DCBLD2: variants seen among roughly 807,000 people sequenced by gnomAD.
DCBLD2 encodes the protein discoidin, CUB and LCCL domain-containing protein 2.
In DCBLD2, 54 loss-of-function variants were observed where a neutral mutation model predicts 86.8. The ratio of observed to expected loss-of-function variants is 0.62; its 90% CI spans 0.50 to 0.78. The LOEUF (loss-of-function observed/expected upper bound fraction) is 0.78, where lower values mean the gene tolerates loss of function less well. Among genes scored for constraint, DCBLD2 ranks in the 30% least tolerant of loss-of-function variants. The pLI is 0.00. For missense variants in DCBLD2, 908 were observed against 954.2 expected (o/e 0.95, Z 0.64); for synonymous variants, 354 against 341.3 (o/e 1.04, Z -0.41).
chr3:98,865,972 T>C (rs1381621197), intron 2 of DCBLD2, among the ~76,000 whole-genome samples: 2 of 151,822 alleles, frequency 1.3e-5, no homozygotes, highest in East Asian at 3.9e-4. Flanking sequence ...CGGTTTTTTG[T>C]CCTTGTGATA....
chr3:98,865,981 T>C (rs1352879613), intron 2 of DCBLD2, among the ~76,000 whole-genome samples: 2 of 151,860 alleles, frequency 1.3e-5, no homozygotes, highest in South Asian at 2.1e-4. Flanking sequence ...GTCCTTGTGA[T>C]AGTTTGCTGA....
intron 2 of DCBLD2, among the ~76,000 whole-genome samples, chr3:98,875,359 G>T (rs1226080434): frequency 2.0e-5 from 3 of 152,068 alleles, no homozygotes; most frequent in Non-Finnish European, 2.9e-5. Context: ...AACAAAAAAT[G>T]TGTAAACCCT....
chr3:98,838,495 T>C (rs1175191147), intron 3 of DCBLD2, among the ~76,000 whole-genome samples: 1 of 144,176 alleles, frequency 6.9e-6, no homozygotes, highest in Non-Finnish European at 1.5e-5. Flanking sequence ...TGATGGCAGC[T>C]GGGAAGAGGC....
chr3:98,871,657 A>G (rs536173625), intron 2 of DCBLD2, among the ~76,000 whole-genome samples: 32 of 152,184 alleles, frequency 2.1e-4, no homozygotes, highest in Admixed American at 3.9e-4. Flanking sequence ...TTGTTGATAT[A>G]CTGCTGAATC....
rs1448105201 is a variant in DCBLD2, at chr3:98,849,450, G to C, written c.571+11C>G. Reference sequence around the variant, plus strand: ...CAAACTGTAGGAACCATTGCAAAAGGTGAAAATTACCTTGTTTATCTATAA... The same window carrying C: ...CAAACTGTAGGAACCATTGCAAAAGCTGAAAATTACCTTGTTTATCTATAA... On this transcript the variant is annotated intron_variant, in intron 3 of 15. Coordinates refer to ENST00000326840, the MANE Select transcript of DCBLD2 (RefSeq NM_080927.4). The C allele has an allele frequency of 1.2e-6, 2 of 1,613,810 alleles. No homozygotes were observed. Among genetic ancestry groups the C allele is most frequent in the African/African-American group, 1.3e-5 (1 of 75,026 alleles).
At chr3:98,866,556 TG>T (rs1943149589) in intron 2 of DCBLD2, among the ~76,000 whole-genome samples, 1 of 152,178 alleles carries the variant, frequency 6.6e-6, no homozygotes, top group Non-Finnish European at 1.5e-5. Flanking sequence ...TTGATGGGGT[TG>T]TTTTTTTCTT....
chr3:98,802,956 G>T (rs1481690342), intron 13 of DCBLD2, among the ~76,000 whole-genome samples: 1 of 152,158 alleles, frequency 6.6e-6, no homozygotes, highest in African/African-American at 2.4e-5. Context: ...CTGTAGCCTT[G>T]TAGTATAGTT....
chr3:98,801,298 G>A (rs1212960427), intron 14 of DCBLD2: 5 of 353,068 alleles, frequency 1.4e-5, no homozygotes, highest in Admixed American at 8.5e-5. Context: ...CAGTGTTCAC[G>A]TGGGCCACAG....
At chr3:98,886,802 C>CCT (rs1005197921) in intron 1 of DCBLD2, among the ~76,000 whole-genome samples, 1 of 128,476 alleles carries the variant, frequency 7.8e-6, no homozygotes, top group East Asian at 2.5e-4. Flanking sequence ...ACAGGAAAAC[C>CCT]CCCCCCCTTT....
chr3:98,807,810 T>TTACATGTGTCTCTGAC (rs1941866658), intron 13 of DCBLD2: 2 of 207,640 alleles, frequency 9.6e-6, no homozygotes, highest in African/African-American at 4.6e-5. Flanking sequence ...ATTCTTTAAG[T>TTACATGTGTCTCTGAC]AAATGTAACT....
At chr3:98,846,034 T>C (rs979664262) in intron 3 of DCBLD2, among the ~76,000 whole-genome samples, 3 of 152,212 alleles carry the variant, frequency 2.0e-5, no homozygotes, top group Non-Finnish European at 4.4e-5. Flanking sequence ...TCCAACCCTA[T>C]ACTGCAAGTT....
At chr3:98,809,759 A>T (rs1364816462) in intron 12 of DCBLD2, among the ~76,000 whole-genome samples, 1 of 152,224 alleles carries the variant, frequency 6.6e-6, no homozygotes, top group Non-Finnish European at 1.5e-5. Flanking sequence ...TGGAAACTAC[A>T]GAGGCACAAA....
chr3:98,900,841 C>T lies in DCBLD2; in HGVS notation c.205+281G>A. On this transcript the variant is annotated intron_variant, in intron 1 of 15. Coordinates refer to ENST00000326840, the MANE Select transcript of DCBLD2 (RefSeq NM_080927.4). ...GTTCTTTTTCCTCCCCAAAATTTTC[C>T]CCAGAAGGACCTAATATCAACGAGG... 3 of 491,420 alleles carry T rather than the reference C, an allele frequency of 6.1e-6. No homozygotes were observed. The South Asian group carries it at 6.5e-5, about 11-fold the overall frequency. 30.4% of individuals were successfully genotyped at this position (491,420 alleles called of 1,614,324 possible). A position where few individuals can be genotyped will look rare whatever the true frequency, so the allele number is the denominator to read the frequency against.
At position 98,799,638 on chromosome 3, in the gene DCBLD2, G is replaced by T. The variant is rs748717081; in HGVS notation, c.2062C>A (p.His688Asn). The change falls in exon 16 of 16, where the codon CAC becomes AAC. Residue 688 changes from histidine (H) to asparagine (N), a missense_variant. Coordinates refer to ENST00000326840, the MANE Select transcript of DCBLD2 (RefSeq NM_080927.4). Reference protein sequence around the residue: ...ATPIIMDMSGHPTTSVGQPST... With the variant: ...ATPIIMDMSGNPTTSVGQPST... Reference sequence around the variant, plus strand: ...GGCTGACCAACTGAAGTTGTGGGGTGCCCTGACATGTCCATGATGATTGGG... The same window carrying T: ...GGCTGACCAACTGAAGTTGTGGGGTTCCCTGACATGTCCATGATGATTGGG... 1.1e-5 allele frequency: 17 copies of T among 1,614,024 alleles called. No individual in the cohort carries two copies. Among genetic ancestry groups the T allele is most frequent in the Non-Finnish European group, 1.4e-5 (16 of 1,179,902 alleles).
Position 98,901,408 on chromosome 3 carries a change from ACGGCGGCAG to A in DCBLD2, c.-91_-83del. 1 of 1,237,580 alleles carries A rather than the reference ACGGCGGCAG, an allele frequency of 8.1e-7. No homozygotes were observed. The highest frequency in any genetic ancestry group is 3.3e-5 in the East Asian group (1 of 30,028). 76.7% of individuals were successfully genotyped at this position (1,237,580 alleles called of 1,614,324 possible). A position where few individuals can be genotyped will look rare whatever the true frequency, so the allele number is the denominator to read the frequency against. On this transcript the variant is annotated 5_prime_UTR_variant, in exon 1 of 16. Transcript: ENST00000326840. Reference sequence around the variant, plus strand: ...TCTGGCCGCGGCACCCGACCAGGAGACGGCGGCAGCGGCGGGAGAACAAGAGGCAGCCCT... The same window carrying A: ...TCTGGCCGCGGCACCCGACCAGGAGACGGCGGGAGAACAAGAGGCAGCCCT...
intron 3 of DCBLD2, among the ~76,000 whole-genome samples, chr3:98,835,923 TTCCTTCCTTTCTTTC>T (rs1169564806): frequency 6.7e-5 from 2 of 29,824 alleles, no homozygotes; most frequent in African/African-American, 2.0e-4. Context: ...TCTTTCTTTC[TTCCTTCCTTTCTTTC>T]TTTTTTTTTT....
At position 98,799,194 on chromosome 3, in the gene DCBLD2, C is replaced by T. The variant is rs1941668315; in HGVS notation, c.*178G>A. The stretch of plus-strand genomic sequence containing the variant: ...TAACAGGCGAGCAGTAACTGTGCCA[C>T]CATAACACCTTAAAGCAAGATGGCA... On this transcript the variant is annotated 3_prime_UTR_variant, in exon 16 of 16. Coordinates refer to ENST00000326840, the MANE Select transcript of DCBLD2 (RefSeq NM_080927.4). 3.2e-6 allele frequency: 2 copies of T among 630,922 alleles called. No homozygotes were observed. Among genetic ancestry groups the T allele is most frequent in the East Asian group, 2.9e-5 (1 of 34,906 alleles). 39.1% of individuals were successfully genotyped at this position (630,922 alleles called of 1,614,324 possible). A position where few individuals can be genotyped will look rare whatever the true frequency, so the allele number is the denominator to read the frequency against.
rs1942050666 is a variant in DCBLD2 at position 98,817,814 on chromosome 3, C to T, written c.1167G>A (p.Gly389=). The T allele has an allele frequency of 6.2e-7, 1 of 1,613,686 alleles. No individual in the cohort carries two copies. The highest frequency in any genetic ancestry group is 8.5e-7 in the Non-Finnish European group (1 of 1,179,696). Residue 389 remains glycine (G), a synonymous_variant, in exon 9 of 16, where the codon GGG becomes GGA. Transcript: ENST00000326840. ...SAYRILYSDD[G]QKWTVYREPG... is the part of the protein sequence containing the mutation. ...GCTCTCTGTACACAGTCCATTTCTG[C>T]CCATCATCACTGTACAGGATTCTGT... is the stretch of plus-strand genomic sequence containing the variant.
rs757600713 is a variant in DCBLD2, at chr3:98,825,325, G to T, written c.613C>A (p.Pro205Thr). 6.5e-7 allele frequency: 1 copy of T among 1,540,606 alleles called. No individual in the cohort carries two copies. The change falls in exon 4 of 16, where the codon CCT (proline) becomes ACT (threonine). Residue 205 changes from proline (P) to threonine (T), a missense_variant. By Grantham distance (38) the Pro-to-Thr change is conservative. Transcript: ENST00000326840. ...CLDTASNFLE[P>T]EFSKYCPAGC... ...CAAATATAATCATACCTGAACTCAG[G>T]TTCCAAAAAATTGGATGCAGTGTCC...
Sources: allele counts gnomAD v4.1 joint callset (sites outside exome capture counted in the v4.1 genomes callset), GRCh38; gene constraint gnomAD v4.1.1; transcripts MANE v1.5; gene names NCBI Gene and HGNC (gene_info 2026-07-23, HGNC 2026-07-21).